Variants in DPCD observed in about 807,000 individuals in gnomAD.
DPCD encodes deleted in primary ciliary dyskinesia homolog (mouse).
Under a neutral mutation model 26.4 loss-of-function variants are expected in DPCD, and 20 were observed. The observed-to-expected ratio is 0.76, with a 90% confidence interval of 0.53 to 1.10. DPCD has a LOEUF of 1.10. Ranked by LOEUF, DPCD falls within the 50% of genes least tolerant of loss-of-function variation. The pLI is 0.00. For synonymous variants in DPCD, 97 were observed against 94.2 expected, an observed-to-expected ratio of 1.03 and a Z score of -0.17; for missense variants, 202 against 253.9, an observed-to-expected ratio of 0.80 and a Z score of 1.39.
intron 2 of DPCD, among the ~76,000 whole-genome samples, chr10:101,598,009 G>A (rs1221597632): frequency 6.6e-6 from 1 of 152,228 alleles, no homozygotes; most frequent in African/African-American, 2.4e-5. Flanking sequence ...AGGTGAAGCA[G>A]CCAGAGGTGT....
At chr10:101,594,262 A>T (rs955418458) in intron 1 of DPCD, among the ~76,000 whole-genome samples, 11 of 152,246 alleles carry the variant, frequency 7.2e-5, no homozygotes, top group Admixed American at 2.0e-4. Flanking sequence ...CACTATGGAT[A>T]CGAGTAAAAC....
rs757883046 is a variant in DPCD at position 101,588,342 on chromosome 10, G to T, written c.6G>T (p.Ala2=). ...TGCTGCTTAGCAGGGGAAAGATGGC[G>T]GTGACGGGCTGGTTGGAGAGTCTGC... is the stretch of plus-strand genomic sequence containing the variant. The part of the protein sequence containing the change: M[A]VTGWLESLRT... Residue 2 remains alanine (A), a synonymous_variant, in exon 1 of 6, where the codon GCG becomes GCT. Coordinates refer to ENST00000370151, the MANE Select transcript of DPCD (RefSeq NM_015448.3). 5 of 1,599,336 alleles carry T rather than the reference G, an allele frequency of 3.1e-6. No individual in the cohort carries two copies. In the Admixed American group the frequency reaches 8.5e-5, roughly 27 times the overall value.
Position 101,600,998 on chromosome 10 carries a change from ATGTT to A in DPCD, c.270+143_270+146del, listed in dbSNP as rs1564894283. The A allele has an allele frequency of 6.7e-7, 1 of 1,491,268 alleles. No homozygotes were observed. Among genetic ancestry groups the A allele is most frequent in the African/African-American group, 1.4e-5 (1 of 70,808 alleles). 92.4% of individuals were successfully genotyped at this position (1,491,268 alleles called of 1,614,324 possible). On this transcript the variant is annotated intron_variant, in intron 3 of 5. Transcript: ENST00000370151. This position sits in a 1 kb window ranked among gnomAD's most constrained non-coding sequence, Gnocchi z 4.7. Reference sequence around the variant, plus strand: ...GCCACCTGGACACAGCACTCTATAAATGTTTGTTTGAATGAATACAGACATTTTG... The same window carrying A: ...GCCACCTGGACACAGCACTCTATAAATGTTTGAATGAATACAGACATTTTG...
chr10:101,605,192 G>T (rs1017914665), intron 4 of DPCD: 2 of 1,550,468 alleles, frequency 1.3e-6, no homozygotes, highest in Non-Finnish European at 1.7e-6. Flanking sequence ...GTGTGCAGGT[G>T]TGCATGGCAC....
chr10:101,608,579 A>G (rs1457093043), intron 4 of DPCD, among the ~76,000 whole-genome samples: 1 of 152,204 alleles, frequency 6.6e-6, no homozygotes, highest in Non-Finnish European at 1.5e-5. Flanking sequence ...GTGAGTCACT[A>G]CAACCCCTGG....
intron 4 of DPCD, among the ~76,000 whole-genome samples, chr10:101,606,009 A>C (rs2063730825): frequency 6.6e-6 from 1 of 152,236 alleles, no homozygotes; most frequent in Non-Finnish European, 1.5e-5. Flanking sequence ...ATAAGCTCTT[A>C]AAATGTCATC....
chr10:101,589,281 GAT>G (rs1173437010), intron 1 of DPCD, among the ~76,000 whole-genome samples: 16 of 152,234 alleles, frequency 1.1e-4, no homozygotes, highest in African/African-American at 3.6e-4. Flanking sequence ...GAAAGAAAAA[GAT>G]ATGTTGTCCC....
chr10:101,601,112 G>A (rs1294003443), intron 3 of DPCD, 91 bp from the exon 4 acceptor site: 1 of 1,569,894 alleles, frequency 6.4e-7, no homozygotes, highest in Non-Finnish European at 8.6e-7. Context: ...GAAGAGCTGA[G>A]GGTCTTGTTG....
At chr10:101,588,582 T>C (rs1232956091) in intron 1 of DPCD, 182 bp downstream of exon 1, 2 of 1,425,834 alleles carry the variant, frequency 1.4e-6, no homozygotes, top group East Asian at 2.6e-5. Context: ...AACACATGTC[T>C]CCGGACACCC....
At chr10:101,591,689 C>CT (rs879530693) in intron 1 of DPCD, among the ~76,000 whole-genome samples, 34 of 148,934 alleles carry the variant, frequency 2.3e-4, no homozygotes, top group Admixed American at 9.4e-4. Flanking sequence ...TCATAATTTA[C>CT]TTTTTTTTTT....
At position 101,609,036 on chromosome 10, in the gene DPCD, A is replaced by G. The variant is rs1244997426; in HGVS notation, c.507+99A>G. The G allele has an allele frequency of 6.8e-6, 7 of 1,025,770 alleles. 1 individual carries two copies. The highest frequency in any genetic ancestry group is 5.3e-5 in the South Asian group (4 of 76,066). The allele number at this position is 1,025,770 out of a possible 1,614,324, so 63.5% of individuals were successfully genotyped here. On this transcript the variant is annotated intron_variant, in intron 5 of 5. Transcript: ENST00000370151. ...ATAAGAGTCCTCAGTTCTAGCCCCAAGCCCTAGGGTATGCTTGTGGGAGAA... is the reference window on the plus strand; with the variant it reads ...ATAAGAGTCCTCAGTTCTAGCCCCAGGCCCTAGGGTATGCTTGTGGGAGAA...
intron 1 of DPCD, among the ~76,000 whole-genome samples, chr10:101,592,961 C>T (rs1403411978): frequency 1.3e-5 from 2 of 151,216 alleles, no homozygotes; most frequent in African/African-American, 4.9e-5. Flanking sequence ...TTGCAGTGAG[C>T]CGAGATCACA....
chr10:101,590,364 G>A (rs1022032115), intron 1 of DPCD, among the ~76,000 whole-genome samples: 13 of 152,016 alleles, frequency 8.6e-5, no homozygotes, highest in Admixed American at 7.9e-4. Flanking sequence ...CAGATAAGTT[G>A]GGACATATTG....
intron 2 of DPCD, among the ~76,000 whole-genome samples, chr10:101,596,040 C>T (rs193264057): frequency 7.2e-5 from 11 of 152,296 alleles, no homozygotes; most frequent in East Asian, 5.8e-4. Context: ...ATAGCTGCTG[C>T]GGCTGTAAAA....
At chr10:101,593,834 C>T (rs2063630604) in intron 1 of DPCD, among the ~76,000 whole-genome samples, 1 of 152,134 alleles carries the variant, frequency 6.6e-6, no homozygotes, top group Admixed American at 6.5e-5. Context: ...CCCTTAGTTT[C>T]TTCTGTTCTT....
chr10:101,603,578 C>T lies in DPCD; in HGVS notation c.404+2242C>T, dbSNP rs1056598938. On this transcript the variant is annotated intron_variant, in intron 4 of 5. Transcript: ENST00000370151. This position sits in a 1 kb window ranked among gnomAD's most constrained non-coding sequence, Gnocchi z 4.6. ...TTTGAGACCAGCCTGGCCAACATGG[C>T]GAAACCCTGTCTCTCTAAAAATACA... Among the ~76,000 whole-genome samples the T allele has an allele frequency of 6.6e-6, 1 of 151,844 alleles. No homozygotes were observed. The highest frequency in any genetic ancestry group is 2.4e-5 in the African/African-American group (1 of 41,350).
In DPCD at chr10:101,588,323, T is replaced by C; in HGVS notation, c.-14T>C. The C allele has an allele frequency of 6.2e-7, 1 of 1,600,480 alleles. No homozygotes were observed. Among genetic ancestry groups the C allele is most frequent in the East Asian group, 2.2e-5 (1 of 44,486 alleles). ...CCATGGCAGCGGCTGGGCGTGCTGC[T>C]TAGCAGGGGAAAGATGGCGGTGACG... On this transcript the variant is annotated 5_prime_UTR_variant, in exon 1 of 6. Transcript: ENST00000370151.
At chr10:101,599,093 T>C (rs1209714747) in intron 2 of DPCD, among the ~76,000 whole-genome samples, 3 of 152,230 alleles carry the variant, frequency 2.0e-5, no homozygotes, top group African/African-American at 2.4e-5. Flanking sequence ...CCCGATACCA[T>C]TGTCAATATG....
intron 4 of DPCD, chr10:101,605,120 T>G (rs1589728873): frequency 4.5e-6 from 7 of 1,550,574 alleles, no homozygotes; most frequent in African/African-American, 1.4e-5. Context: ...TAAGAAGATT[T>G]GCTTGCTGCT....
Sources: allele counts gnomAD v4.1 joint callset (sites outside exome capture counted in the v4.1 genomes callset), GRCh38; gene constraint gnomAD v4.1.1; non-coding constraint Gnocchi (gnomAD v3.1); transcripts MANE v1.5; gene names NCBI Gene and HGNC (gene_info 2026-07-23, HGNC 2026-07-21).